The following PAN3 variants were observed in gnomAD, a reference collection of about 807,000 sequenced individuals.
PAN3 encodes the protein poly(A) specific ribonuclease subunit PAN3.
A neutral mutation model predicts 96.2 loss-of-function variants in PAN3; 19 were observed. That is an observed-to-expected ratio of 0.20 (90% CI 0.14 to 0.29). The LOEUF (loss-of-function observed/expected upper bound fraction) is 0.29. PAN3 is among the 10% of genes least tolerant of loss of function. The probability of loss-of-function intolerance (pLI) is 1.00; values close to 1 mark genes in which losing one functional copy is unlikely to be tolerated. For missense variants in PAN3, 882 were observed against 1,108.1 expected, an observed-to-expected ratio of 0.80 and a Z score of 2.90; for synonymous variants, 433 against 406.6, an observed-to-expected ratio of 1.06 and a Z score of -0.78.
intron 5 of PAN3, among the ~76,000 whole-genome samples, chr13:28,209,783 C>G (rs1158055109): frequency 6.6e-6 from 1 of 151,920 alleles, no homozygotes; most frequent in Non-Finnish European, 1.5e-5. Flanking sequence ...CTTTCTTTTT[C>G]TTTTCCCCTT....
At chr13:28,210,377 G>GT (rs1191195074) in intron 5 of PAN3, among the ~76,000 whole-genome samples, 1 of 151,988 alleles carries the variant, frequency 6.6e-6, no homozygotes, top group Non-Finnish European at 1.5e-5. Flanking sequence ...AGATTGTCAA[G>GT]TTATAAATAG....
At position 28,197,214 on chromosome 13, in the gene PAN3, G is replaced by A. The variant is rs1160194400; in HGVS notation, c.720G>A (p.Glu240=). The change falls in exon 5 of 19, where the codon GAG becomes GAA. Residue 240 remains glutamate (E), a synonymous_variant. Transcript: ENST00000380958. The part of the protein sequence containing the change: ...KPRKYRLGML[E]ERLVPMGSKA... ...GGAAGTATCGCCTGGGGATGCTGGA[G>A]GAGAGGCTAGTTCCGATGGGATCAA... 4 of 1,613,250 alleles carry A rather than the reference G, an allele frequency of 2.5e-6. No homozygotes were observed. Among genetic ancestry groups the A allele is most frequent in the Non-Finnish European group, 3.4e-6 (4 of 1,179,570 alleles).
At chr13:28,174,605 G>T (rs1874720832) in intron 2 of PAN3, among the ~76,000 whole-genome samples, 1 of 152,154 alleles carries the variant, frequency 6.6e-6, no homozygotes, top group Non-Finnish European at 1.5e-5. Context: ...GGGCAAGAGT[G>T]ACGGGAGTAT....
chr13:28,206,344 CAG>C (rs1418288251), intron 5 of PAN3, among the ~76,000 whole-genome samples: 1 of 106,228 alleles, frequency 9.4e-6, no homozygotes, highest in Non-Finnish European at 1.8e-5. Flanking sequence ...TTTTTTGAGA[CAG>C]AGTTTCGCAC....
intron 1 of PAN3, among the ~76,000 whole-genome samples, chr13:28,147,700 C>T (rs886591574): frequency 3.3e-5 from 5 of 152,176 alleles, no homozygotes; most frequent in African/African-American, 1.2e-4. Context: ...ACCTCAAAAT[C>T]TGAAATATGG....
chr13:28,244,716 T>C (rs776512720), intron 6 of PAN3, among the ~76,000 whole-genome samples: 8 of 150,738 alleles, frequency 5.3e-5, no homozygotes, highest in Non-Finnish European at 1.2e-4. Context: ...TTTTTTTCTT[T>C]TAAATTTTCT....
rs74043704 is a variant in PAN3 at position 28,283,796 on chromosome 13, G to A, written c.2384+2417G>A. 9.0e-3 allele frequency among the ~76,000 whole-genome samples: 1,373 copies of A among 152,222 alleles called. 20 individuals carry two copies. Among genetic ancestry groups the A allele is most frequent in the African/African-American group, 0.03 (1,232 of 41,526 alleles). On this transcript the variant is annotated intron_variant, in intron 17 of 18. Transcript: ENST00000380958. Reference sequence around the variant, plus strand: ...GTTAAATAACTTGAACAAAGGTTGCGTAATTAATAAGTATATGATCCAGGA... The same window carrying A: ...GTTAAATAACTTGAACAAAGGTTGCATAATTAATAAGTATATGATCCAGGA...
intron 7 of PAN3, 119 bp from the exon 8 acceptor site, chr13:28,260,328 A>AC: frequency 1.5e-6 from 1 of 670,130 alleles, no homozygotes; most frequent in Non-Finnish European, 2.6e-6. Context: ...CGGGAGGCAG[A>AC]GCTTGTAGTG....
intron 5 of PAN3, among the ~76,000 whole-genome samples, chr13:28,209,469 T>G (rs1031380546): frequency 7.2e-5 from 11 of 152,252 alleles, no homozygotes; most frequent in African/African-American, 2.7e-4. Flanking sequence ...ACTGAATCAG[T>G]AGTATAGGTG....
rs1396195732 is a variant in PAN3 at position 28,295,294 on chromosome 13, A to G, written c.*2772A>G. Reference sequence around the variant, plus strand: ...ATCTTTAATCCTGTTTTCAGTCTCTATGTGTACAGCAGTATTTTTAATAAA... The same window carrying G: ...ATCTTTAATCCTGTTTTCAGTCTCTGTGTGTACAGCAGTATTTTTAATAAA... On this transcript the variant is annotated 3_prime_UTR_variant, in exon 19 of 19. Coordinates refer to ENST00000380958, the MANE Select transcript of PAN3 (RefSeq NM_175854.8). 6.6e-6 allele frequency: 1 copy of G among 152,166 alleles called. No homozygotes were observed. The highest frequency in any genetic ancestry group is 6.5e-5 in the Admixed American group (1 of 15,280). The allele number at this position is 152,166 out of a possible 1,614,324, so 9.4% of individuals were successfully genotyped here.
chr13:28,261,832 CAAA>C (rs10636889), intron 9 of PAN3, among the ~76,000 whole-genome samples: 1 of 112,708 alleles, frequency 8.9e-6, no homozygotes. Flanking sequence ...GACCCTGTCT[CAAA>C]AAAAAAAAAA....
intron 5 of PAN3, among the ~76,000 whole-genome samples, chr13:28,213,242 G>A (rs561370649): frequency 2.5e-4 from 38 of 152,004 alleles, no homozygotes; most frequent in Non-Finnish European, 3.8e-4. Context: ...GATGATTTAA[G>A]GTATACAGGA....
chr13:28,242,631 T>C (rs185456762), intron 6 of PAN3, among the ~76,000 whole-genome samples: 1 of 152,278 alleles, frequency 6.6e-6, no homozygotes, highest in East Asian at 1.9e-4. Flanking sequence ...GTTTAGAGTA[T>C]TTGGTGTTGG....
chr13:28,237,290 G>A (rs778720752), intron 6 of PAN3, among the ~76,000 whole-genome samples: 23 of 151,882 alleles, frequency 1.5e-4, no homozygotes, highest in Non-Finnish European at 3.2e-4. Flanking sequence ...TTGGCACATT[G>A]TTTCTTGAGG....
intron 1 of PAN3, among the ~76,000 whole-genome samples, chr13:28,158,678 A>G (rs1482752189): frequency 6.6e-6 from 1 of 152,130 alleles, no homozygotes; most frequent in Non-Finnish European, 1.5e-5. Flanking sequence ...GGAGATCAAG[A>G]CCATCCTGGC....
intron 6 of PAN3, among the ~76,000 whole-genome samples, chr13:28,247,398 G>A (rs1016108609): frequency 6.6e-6 from 1 of 152,048 alleles, no homozygotes; most frequent in Admixed American, 6.5e-5. Context: ...TCTTCACTTT[G>A]TTGATTGTTT....
intron 14 of PAN3, chr13:28,272,451 T>G (rs1217534299): frequency 1.3e-5 from 2 of 156,034 alleles, no homozygotes; most frequent in Non-Finnish European, 2.8e-5. Flanking sequence ...TTTATTTTTA[T>G]TTTTTGTAGA....
chr13:28,200,365 T>C (rs926179111), intron 5 of PAN3, among the ~76,000 whole-genome samples: 1 of 152,224 alleles, frequency 6.6e-6, no homozygotes, highest in African/African-American at 2.4e-5. Flanking sequence ...TTCCTTTACG[T>C]TCATTTCTTA....
chr13:28,192,192 C>T (rs1035319459), intron 4 of PAN3, among the ~76,000 whole-genome samples: 4 of 151,978 alleles, frequency 2.6e-5, no homozygotes, highest in African/African-American at 9.7e-5. Flanking sequence ...GCCTCAGCCT[C>T]CTGAGTCGCT....
Sources: gnomAD v4.1 joint callset for allele counts (sites outside exome capture counted in the v4.1 genomes callset) on GRCh38, gnomAD v4.1.1 for gene constraint, MANE v1.5 for transcripts, NCBI Gene and HGNC (gene_info 2026-07-23, HGNC 2026-07-21) for gene names.